SMC4: variants seen among roughly 807,000 people sequenced by gnomAD.
SMC4 encodes the protein structural maintenance of chromosomes protein 4.
In SMC4, 87 loss-of-function variants were observed where a neutral mutation model predicts 145.6. That is an observed-to-expected ratio of 0.60 (90% CI 0.50 to 0.71). The LOEUF is 0.71. SMC4 is among the 30% of genes least tolerant of loss of function. SMC4 has a pLI of 0.00. For synonymous variants in SMC4, 558 were observed against 500.7 expected, an observed-to-expected ratio of 1.11 and a Z score of -1.53; for missense variants, 1,447 against 1,537.1, an observed-to-expected ratio of 0.94 and a Z score of 0.98.
chr3:160,412,496 T>TA (rs1443920581), intron 7 of SMC4, 43 bp downstream of exon 7: 20 of 1,552,790 alleles, frequency 1.3e-5, no homozygotes, highest in African/African-American at 2.8e-5. Context: ...TATTAGTTTT[T>TA]AACCATTAAG....
intron 10 of SMC4, chr3:160,417,500 T>G (rs1358928818): frequency 3.8e-6 from 2 of 522,794 alleles, no homozygotes; most frequent in South Asian, 2.4e-5. Context: ...TAATGATCGA[T>G]CTCACAAAGC....
At chr3:160,424,754 G>A (rs1367895905) in intron 15 of SMC4, 113 bp from the exon 16 acceptor site, 9 of 1,155,068 alleles carry the variant, frequency 7.8e-6, no homozygotes, top group Middle Eastern at 2.9e-4. Context: ...AGGTTGCAGT[G>A]AGCTGAGACC....
Position 160,414,533 on chromosome 3 carries a change from AAATT to A in SMC4, c.1272+17_1272+20del. On this transcript the variant is annotated intron_variant, in intron 9 of 23. Transcript: ENST00000357388. Reference sequence around the variant, plus strand: ...TAAAGAAAAGGTAGGTGTTAGAAAAAAATTCTTAAAATTTCACGTCTGAATATCA... The same window carrying A: ...TAAAGAAAAGGTAGGTGTTAGAAAAACTTAAAATTTCACGTCTGAATATCA... The A allele has an allele frequency of 6.2e-7, 1 of 1,603,712 alleles. No homozygotes were observed. Among genetic ancestry groups the A allele is most frequent in the Non-Finnish European group, 8.5e-7 (1 of 1,174,342 alleles).
intron 9 of SMC4, among the ~76,000 whole-genome samples, chr3:160,415,977 G>A (rs368057219): frequency 6.6e-6 from 1 of 152,176 alleles, no homozygotes; most frequent in South Asian, 2.1e-4. Flanking sequence ...CTGAAATCAG[G>A]AGAGAAGGAT....
intron 9 of SMC4, 33 bp downstream of exon 9, chr3:160,414,550 C>A (rs746896156): frequency 6.3e-7 from 1 of 1,577,712 alleles, no homozygotes; most frequent in Non-Finnish European, 8.7e-7. Context: ...TAAAATTTCA[C>A]GTCTGAATAT....
chr3:160,418,788 A>G (rs950930401), intron 11 of SMC4, among the ~76,000 whole-genome samples: 3 of 152,248 alleles, frequency 2.0e-5, no homozygotes, highest in African/African-American at 7.2e-5. Flanking sequence ...GCTGCTGAGA[A>G]GTTGGAGATT....
intron 3 of SMC4, 140 bp downstream of exon 3, chr3:160,402,233 T>G (rs1714771125): frequency 3.7e-6 from 2 of 535,292 alleles, no homozygotes; most frequent in Non-Finnish European, 6.4e-6. Flanking sequence ...TCTGTCTCTC[T>G]CTCTCACACA....
At position 160,432,307 on chromosome 3, in the gene SMC4, G is replaced by A. The variant is rs770307698; in HGVS notation, c.3322G>A (p.Ala1108Thr). The A allele has an allele frequency of 3.0e-5, 48 of 1,609,032 alleles. No homozygotes were observed. The highest frequency in any genetic ancestry group is 3.9e-5 in the Non-Finnish European group (46 of 1,178,492). ...KKEELYLQRV[A>T]ELDKITYERD... ...GGAAGAATTGTATTTGCAACGGGTA[G>A]CAGAATTGGACAAAATTACTTATGA... Residue 1108 changes from alanine (A) to threonine (T), a missense_variant, in exon 22 of 24, where the codon GCA (alanine) becomes ACA (threonine). Physicochemically the swap from Ala to Thr is moderately conservative, Grantham distance 58 (BLOSUM62 0). Coordinates refer to ENST00000357388, the MANE Select transcript of SMC4 (RefSeq NM_001002800.3).
chr3:160,420,693 T>C (rs1717067968), intron 12 of SMC4, 47 bp from the exon 13 acceptor site: 1 of 1,591,144 alleles, frequency 6.3e-7, no homozygotes, highest in South Asian at 1.1e-5. Context: ...GAAATGGTCC[T>C]GTGCTTTTCT....
chr3:160,430,261 G>A (rs1177094422), intron 18 of SMC4, among the ~76,000 whole-genome samples: 1 of 152,016 alleles, frequency 6.6e-6, no homozygotes, highest in Admixed American at 6.6e-5. Flanking sequence ...GTATTTGAAG[G>A]TACAACTTTA....
chr3:160,411,760 A>G (rs1348089078), intron 5 of SMC4, 160 bp from the exon 6 acceptor site: 1 of 530,360 alleles, frequency 1.9e-6, no homozygotes, highest in Non-Finnish European at 3.2e-6. Flanking sequence ...AGTGAAAATA[A>G]CATTTTTATT....
rs1279541746 is a variant in SMC4 at position 160,431,159 on chromosome 3, G to A, written c.3068G>A (p.Gly1023Asp). The A allele has an allele frequency of 2.5e-6, 4 of 1,601,442 alleles. No homozygotes were observed. The highest frequency in any genetic ancestry group is 1.7e-4 in the Middle Eastern group (1 of 5,848). ...SIKLKLEQID[G>D]HIAEHNSKIK... ...AAGTTGAAACTTGAACAAATAGATG[G>A]TCACATTGCTGAACATAATTCTAAA... The change falls in exon 20 of 24, where the codon GGT becomes GAT. Residue 1023 changes from glycine (G) to aspartate (D), a missense_variant. Physicochemically the swap from Gly to Asp is moderately conservative, Grantham distance 94 (BLOSUM62 -1). Coordinates refer to ENST00000357388, the MANE Select transcript of SMC4 (RefSeq NM_001002800.3).
At chr3:160,427,038 TC>T (rs1717864734) in intron 17 of SMC4, among the ~76,000 whole-genome samples, 1 of 152,184 alleles carries the variant, frequency 6.6e-6, no homozygotes, top group Admixed American at 6.5e-5. Context: ...GGGATTTTCT[TC>T]CAAAAGAAAA....
chr3:160,431,880 A>T, intron 21 of SMC4, 55 bp downstream of exon 21: 1 of 1,513,842 alleles, frequency 6.6e-7, no homozygotes, highest in Non-Finnish European at 9.0e-7. Context: ...TCCTTAGCCT[A>T]AATTCTGATC....
rs763281670 is a variant in SMC4, at chr3:160,420,890, G to T, written c.2008G>T (p.Gly670Cys). 6.2e-7 allele frequency: 1 copy of T among 1,604,796 alleles called. No individual in the cohort carries two copies. The highest frequency in any genetic ancestry group is 2.2e-5 in the East Asian group (1 of 44,730). ...RQNIGVATFI[G>C]LDKMAVWAKK... ...AAATATTGGAGTTGCAACCTTTATAGGTTTAGATAAGGTGGGTATTCGTAA... is the reference window on the plus strand; with the variant it reads ...AAATATTGGAGTTGCAACCTTTATATGTTTAGATAAGGTGGGTATTCGTAA... The change falls in exon 13 of 24, where the codon GGT (glycine) becomes TGT (cysteine). Residue 670 changes from glycine (G) to cysteine (C), a missense_variant. By Grantham distance (159) the Gly-to-Cys change is radical. Coordinates refer to ENST00000357388, the MANE Select transcript of SMC4 (RefSeq NM_001002800.3).
rs539649254 is a variant in SMC4, at chr3:160,411,764, TTTTA to T, written c.688-150_688-147del. 9.6e-4 allele frequency: 516 copies of T among 538,176 alleles called. 1 individual carries two copies. The highest frequency in any genetic ancestry group is 6.5e-3 in the Middle Eastern group (13 of 1,992). The allele number at this position is 538,176 out of a possible 1,614,324, so 33.3% of individuals were successfully genotyped here. On this transcript the variant is annotated intron_variant, in intron 5 of 23. Coordinates refer to ENST00000357388, the MANE Select transcript of SMC4 (RefSeq NM_001002800.3). ...TTAGGAATACCAGTGAAAATAACAT[TTTTA>T]TTTATACCTTATTAAATCATTGCAC... is the stretch of plus-strand genomic sequence containing the variant.
chr3:160,404,262 A>AT, intron 4 of SMC4, 66 bp from the exon 5 acceptor site: 4 of 1,440,240 alleles, frequency 2.8e-6, no homozygotes, highest in Non-Finnish European at 3.8e-6. Flanking sequence ...AAATGAGTGA[A>AT]TTTTGAAGTA....
Position 160,426,124 on chromosome 3 carries a change from A to G in SMC4, c.2529A>G (p.Glu843=). 1.2e-6 allele frequency: 2 copies of G among 1,608,954 alleles called. No homozygotes were observed. ...EYLNVQVKEL[E]ANVLATAPDK... is the part of the protein sequence containing the mutation. ...TGAATGTCCAAGTTAAGGAACTTGAAGCTAATGTACTTGCTACAGCCCCTG... is the reference window on the plus strand; with the variant it reads ...TGAATGTCCAAGTTAAGGAACTTGAGGCTAATGTACTTGCTACAGCCCCTG... Residue 843 remains glutamate, a synonymous_variant, in exon 17 of 24, where the codon GAA becomes GAG. Transcript: ENST00000357388.
Position 160,417,712 on chromosome 3 carries a change from T to A in SMC4, c.1438-11T>A. ...TATCTGTCCAGATTTAATGAACTCA[T>A]ATTTTAACAGAGTCGAGAGAAAGAA... On this transcript the variant is annotated splice_polypyrimidine_tract_variant and intron_variant, in intron 10 of 23. Coordinates refer to ENST00000357388, the MANE Select transcript of SMC4 (RefSeq NM_001002800.3). 6.3e-7 allele frequency: 1 copy of A among 1,597,618 alleles called. No homozygotes were observed. The highest frequency in any genetic ancestry group is 2.2e-5 in the East Asian group (1 of 44,784).
Sources: gnomAD v4.1 joint callset for allele counts (sites outside exome capture counted in the v4.1 genomes callset) on GRCh38, gnomAD v4.1.1 for gene constraint, MANE v1.5 for transcripts, NCBI Gene and HGNC (gene_info 2026-07-23, HGNC 2026-07-21) for gene names.